Variants in PHLDB1 observed in about 807,000 individuals in gnomAD.
PHLDB1 encodes the protein pleckstrin homology-like domain family B member 1.
Under a neutral mutation model 139.3 loss-of-function variants are expected in PHLDB1, and 65 were observed. The ratio of observed to expected loss-of-function variants is 0.47; its 90% confidence interval spans 0.38 to 0.57. The LOEUF (loss-of-function observed/expected upper bound fraction) is 0.57. Among genes scored for constraint, PHLDB1 ranks in the 20% least tolerant of loss-of-function variants. The pLI is 0.00. For synonymous variants in PHLDB1, 679 were observed against 734.5 expected (o/e 0.92, Z 1.22); for missense variants, 1,624 against 1,839.7 (o/e 0.88, Z 2.14).
intron 10 of PHLDB1, among the ~76,000 whole-genome samples, 192 bp downstream of exon 10, chr11:118,635,740 A>G (rs1372039228): frequency 1.3e-5 from 2 of 152,226 alleles, no homozygotes; most frequent in African/African-American, 4.8e-5. Flanking sequence ...TGTAATGAGC[A>G]CTCGGTGAAG....
intron 11 of PHLDB1, 56 bp from the exon 12 acceptor site, chr11:118,639,106 C>G: frequency 6.4e-7 from 1 of 1,573,572 alleles, no homozygotes. Flanking sequence ...CAGGGCCCCC[C>G]TCACACAGTC....
chr11:118,631,586 T>C (rs1944817337), intron 7 of PHLDB1, 107 bp downstream of exon 7: 3 of 1,011,248 alleles, frequency 3.0e-6, no homozygotes, highest in African/African-American at 1.6e-5. Flanking sequence ...AGGATCAAGT[T>C]TGGGAAGAGA....
intron 4 of PHLDB1, among the ~76,000 whole-genome samples, chr11:118,622,616 A>C (rs565779300): frequency 6.6e-6 from 1 of 152,150 alleles, no homozygotes; most frequent in African/African-American, 2.4e-5. Context: ...GCTGGAATCC[A>C]CTCAGACTCC....
At chr11:118,638,455 G>A (rs1472986881) in intron 10 of PHLDB1, among the ~76,000 whole-genome samples, 3 of 152,178 alleles carry the variant, frequency 2.0e-5, no homozygotes, top group Non-Finnish European at 4.4e-5. Flanking sequence ...GTCATCTTAG[G>A]AAGATATTTG....
chr11:118,655,588 C>A lies in PHLDB1; in HGVS notation c.3875-17C>A, dbSNP rs370664854. The A allele has an allele frequency of 2.2e-4, 344 of 1,566,878 alleles. No individual in the cohort carries two copies. Among genetic ancestry groups the A allele is most frequent in the South Asian group, 3.0e-4 (27 of 89,974 alleles). On this transcript the variant is annotated splice_polypyrimidine_tract_variant and intron_variant, in intron 20 of 22. Coordinates refer to ENST00000600882, the MANE Select transcript of PHLDB1 (RefSeq NM_001144758.3). ...AAGTGTGACCGGCTCCATAGCCCAC[C>A]CTTACTTGCTTTGCAGACAAGCATG...
rs782042769 is a variant in PHLDB1, at chr11:118,656,671, T to C, written c.3994-12T>C. On this transcript the variant is annotated splice_polypyrimidine_tract_variant and intron_variant, in intron 22 of 22. Transcript: ENST00000600882. ...GAGCCCCATCTTAGACCTTCCTCTC[T>C]TCCTTTGGCAGAGCCCGAACCCAGC... 7.4e-6 allele frequency: 12 copies of C among 1,611,850 alleles called. No homozygotes were observed. Among genetic ancestry groups the C allele is most frequent in the Non-Finnish European group, 8.5e-7 (1 of 1,178,570 alleles).
Position 118,650,560 on chromosome 11 carries a change from A to G in PHLDB1, c.3874+13A>G. 6.3e-7 allele frequency: 1 copy of G among 1,582,356 alleles called. No homozygotes were observed. The highest frequency in any genetic ancestry group is 8.7e-7 in the Non-Finnish European group (1 of 1,151,066). On this transcript the variant is annotated intron_variant, in intron 20 of 22. Transcript: ENST00000600882. The surrounding 1 kb of genome is among the most constrained non-coding windows in gnomAD (Gnocchi z 4.7). ...TCCTATTATGTGGGTGAGTTCCCAC[A>G]AGGCCACCCTGGGGGCCAGCCAGGA...
chr11:118,609,974 G>A (rs1300716995), intron 1 of PHLDB1, among the ~76,000 whole-genome samples: 1 of 151,616 alleles, frequency 6.6e-6, no homozygotes, highest in Non-Finnish European at 1.5e-5. Flanking sequence ...CCGCCTTTGG[G>A]GTCCCGGTGG....
chr11:118,609,813 A>T (rs1939818467), intron 1 of PHLDB1, among the ~76,000 whole-genome samples: 1 of 152,152 alleles, frequency 6.6e-6, no homozygotes, highest in African/African-American at 2.4e-5. Context: ...GAGGGGTGCA[A>T]GGGGCCGCTA....
Position 118,628,457 on chromosome 11 carries a change from G to C in PHLDB1, c.1634G>C (p.Gly545Ala). 6.2e-7 allele frequency: 1 copy of C among 1,612,282 alleles called. No homozygotes were observed. The highest frequency in any genetic ancestry group is 8.5e-7 in the Non-Finnish European group (1 of 1,179,646). The part of the protein sequence containing the change: ...SGRLSPAYSL[G>A]SLTGASPCQS... ...AGGCTGAGCCCAGCCTACAGTCTGG[G>C]CTCTCTTACTGGGGCTTCACCCTGC... Residue 545 changes from glycine (G) to alanine (A), a missense_variant, in exon 6 of 23, where the codon GGC (glycine) becomes GCC (alanine). Transcript: ENST00000600882.
chr11:118,655,757 G>T, intron 21 of PHLDB1, 67 bp downstream of exon 21: 4 of 1,492,760 alleles, frequency 2.7e-6, no homozygotes, highest in Non-Finnish European at 3.7e-6. Flanking sequence ...GCCTGGTGGG[G>T]CTCTGGGAGC....
chr11:118,645,822 G>C lies in PHLDB1; in HGVS notation c.3504G>C (p.Ser1168=). ...CAGAGAAGAACCGGCTCATGGAGTC[G>C]AGGGTGAGTCTGACCTGGATCGGGG... is the stretch of plus-strand genomic sequence containing the variant. ...AHAEKNRLME[S]REREMELRRQ... Residue 1168 remains serine, a synonymous_variant, in exon 17 of 23, where the codon TCG becomes TCC. Transcript: ENST00000600882. The surrounding 1 kb of genome is among the most constrained non-coding windows in gnomAD (Gnocchi z 5.1). 1 of 1,604,824 alleles carries C rather than the reference G, an allele frequency of 6.2e-7. No homozygotes were observed. The highest frequency in any genetic ancestry group is 8.5e-7 in the Non-Finnish European group (1 of 1,171,794).
In PHLDB1 at chr11:118,647,988, A is replaced by G; in HGVS notation, c.3566A>G (p.Gln1189Arg). The G allele has an allele frequency of 1.2e-6, 2 of 1,605,690 alleles. No homozygotes were observed. The highest frequency in any genetic ancestry group is 1.7e-6 in the Non-Finnish European group (2 of 1,176,010). ...ALEEERRRRE[Q>R]VERRLQSESA... ...GAGGAGGAGCGGCGGAGGCGTGAGC[A>G]GGTAGAACGGAGGCTGCAGAGTGAG... The change falls in exon 18 of 23, where the codon CAG becomes CGG. Residue 1189 changes from glutamine (Q) to arginine (R), a missense_variant. Transcript: ENST00000600882.
intron 11 of PHLDB1, 64 bp downstream of exon 11, chr11:118,639,065 G>A: frequency 6.4e-7 from 1 of 1,553,188 alleles, no homozygotes; most frequent in South Asian, 1.1e-5. Flanking sequence ...AGTGCAGAAG[G>A]ACTGGGGTGT....
At chr11:118,656,655 C>T (rs1555142038) in intron 22 of PHLDB1, 28 bp from the exon 23 acceptor site, 1 of 1,608,858 alleles carries the variant, frequency 6.2e-7, no homozygotes, top group Non-Finnish European at 8.5e-7. Context: ...TGAGCCCCAT[C>T]TTAGACCTTC....
At chr11:118,623,110 C>G (rs1555096657) in intron 4 of PHLDB1, among the ~76,000 whole-genome samples, 2 of 152,200 alleles carry the variant, frequency 1.3e-5, no homozygotes, top group Non-Finnish European at 1.5e-5. Flanking sequence ...ATGCCTCTTG[C>G]CCTTGCGGCC....
chr11:118,620,635 G>A lies in PHLDB1; in HGVS notation c.356-4299G>A, dbSNP rs1942590525. The stretch of plus-strand genomic sequence containing the variant: ...CTCTTTGCTGGGTCTAGCACAACTG[G>A]ATGTTGTGGCTGGGGTGCGGGCTGG... On this transcript the variant is annotated intron_variant, in intron 4 of 22. Transcript: ENST00000600882. This position sits in a 1 kb window ranked among gnomAD's most constrained non-coding sequence, Gnocchi z 4.1. Among the ~76,000 whole-genome samples, 7 of 152,202 alleles carry A rather than the reference G, an allele frequency of 4.6e-5. No homozygotes were observed. Among genetic ancestry groups the A allele is most frequent in the Admixed American group, 4.6e-4 (7 of 15,282 alleles).
At chr11:118,614,457 T>G in intron 2 of PHLDB1, 102 bp from the exon 3 acceptor site, 2 of 1,337,900 alleles carry the variant, frequency 1.5e-6, no homozygotes, top group Non-Finnish European at 2.1e-6. Flanking sequence ...CTCAGAGCCC[T>G]TCGGAGAGGG....
chr11:118,644,408 T>C, intron 15 of PHLDB1: 1 of 550,436 alleles, frequency 1.8e-6, no homozygotes, highest in Non-Finnish European at 3.3e-6. Context: ...CTAGAGAGCC[T>C]AGCCAATAAG....
Sources: gnomAD v4.1 joint callset for allele counts (sites outside exome capture counted in the v4.1 genomes callset) on GRCh38, gnomAD v4.1.1 for gene constraint, Gnocchi (gnomAD v3.1) non-coding constraint, MANE v1.5 for transcripts, NCBI Gene and HGNC (gene_info 2026-07-23, HGNC 2026-07-21) for gene names.